The following DHRS4L2 variants were observed in gnomAD, a reference collection of about 807,000 sequenced individuals.
The protein encoded by DHRS4L2 is dehydrogenase/reductase SDR family member 4-like 2.
In DHRS4L2, 22 loss-of-function variants were observed where a neutral mutation model predicts 23.9. The observed-to-expected ratio is 0.92, with a 90% confidence interval of 0.66 to 1.31. The LOEUF is 1.31. Among genes scored for constraint, DHRS4L2 ranks in the 40% most tolerant of loss-of-function variants. The probability of loss-of-function intolerance (pLI) is 0.00; values close to 1 mark genes in which losing one functional copy is unlikely to be tolerated. For missense variants in DHRS4L2, 385 were observed against 303.3 expected (o/e 1.27, Z -2.00); for synonymous variants, 141 against 123.7 (o/e 1.14, Z -0.93).
intron 2 of DHRS4L2, among the ~76,000 whole-genome samples, chr14:23,991,135 T>C (rs1193485865): frequency 1.3e-5 from 2 of 151,682 alleles, no homozygotes; most frequent in Non-Finnish European, 2.9e-5. Context: ...AAATGGAAAG[T>C]ACAGGATTCT....
chr14:23,996,140 G>A (rs1480222833), intron 3 of DHRS4L2, among the ~76,000 whole-genome samples: 2 of 151,646 alleles, frequency 1.3e-5, no homozygotes, highest in African/African-American at 4.8e-5. Context: ...AATAGAGTGA[G>A]AACTCACTCA....
intron 1 of DHRS4L2, among the ~76,000 whole-genome samples, chr14:23,980,756 C>T (rs1213619760): frequency 6.6e-6 from 1 of 151,234 alleles, no homozygotes; most frequent in Non-Finnish European, 1.5e-5. Context: ...ATTCAACAGC[C>T]TTTCATGCTA....
chr14:23,988,218 CT>C (rs1346432103), upstream of DHRS4L2, among the ~76,000 whole-genome samples: 1 of 150,136 alleles, frequency 6.7e-6, no homozygotes, highest in African/African-American at 2.4e-5. Flanking sequence ...GCCCCGAGTT[CT>C]TTGCATTTCC....
chr14:23,995,287 TG>T (rs1466540236), intron 3 of DHRS4L2, among the ~76,000 whole-genome samples, 154 bp downstream of exon 3: 5 of 151,712 alleles, frequency 3.3e-5, no homozygotes, highest in African/African-American at 1.2e-4. Context: ...AAAGGGCAGG[TG>T]GGGGTGGCTC....
At chr14:23,970,358 C>G (rs538134020) in intron 1 of DHRS4L2, 12,307 of 345,304 alleles carry the variant, frequency 0.036, 391 homozygotes, top group African/African-American at 0.083. Flanking sequence ...CGGTGGGGGG[C>G]GGGGGGCCGA....
At chr14:23,989,542 C>T (rs924502678) in intron 1 of DHRS4L2, among the ~76,000 whole-genome samples, 1 of 151,498 alleles carries the variant, frequency 6.6e-6, no homozygotes, top group Non-Finnish European at 1.5e-5. Context: ...TTTTTTAGGT[C>T]GGTACATCTG....
Position 24,001,537 on chromosome 14 carries a change from C to T in DHRS4L2, c.665+20C>T. 4 of 1,600,432 alleles carry T rather than the reference C, an allele frequency of 2.5e-6. No individual in the cohort carries two copies. Among genetic ancestry groups the T allele is most frequent in the Non-Finnish European group, 3.4e-6 (4 of 1,177,382 alleles). On this transcript the variant is annotated intron_variant, in intron 6 of 7. Coordinates refer to ENST00000335125, the MANE Select transcript of DHRS4L2 (RefSeq NM_198083.4). ...AGGATGGTGAGGAAGGGGAGCTTTG[C>T]ATTTGACTGGGACCCCTTGAAAGGC...
At position 23,992,273 on chromosome 14, in the gene DHRS4L2, G is replaced by T. The variant is rs60569378; in HGVS notation, c.306+1914G>T. Among the ~76,000 whole-genome samples the T allele has an allele frequency of 1.7e-3, 253 of 151,518 alleles. 2 individuals carry two copies. Among genetic ancestry groups the T allele is most frequent in the African/African-American group, 5.9e-3 (244 of 41,384 alleles). ...GGTTTAGAGCAGTGGCGGCGGGACT[G>T]GAATAGATGTGCCCAAGAGACATTT... On this transcript the variant is annotated intron_variant, in intron 2 of 7. Transcript: ENST00000335125.
intron 1 of DHRS4L2, among the ~76,000 whole-genome samples, chr14:23,977,211 GTTTTC>G (rs1240760052): frequency 3.3e-5 from 5 of 151,810 alleles, no homozygotes; most frequent in African/African-American, 9.7e-5. Context: ...TCCATTCACT[GTTTTC>G]TTTTCTGGGT....
At chr14:23,996,760 C>T (rs1374110648) in intron 3 of DHRS4L2, among the ~76,000 whole-genome samples, 18 of 151,066 alleles carry the variant, frequency 1.2e-4, no homozygotes, top group African/African-American at 4.4e-4. Flanking sequence ...TGTGCCTCAG[C>T]CTCCCAAGTA....
exon 1 of DHRS4L2, chr14:23,970,019 G>A (rs2033813630): frequency 4.4e-6 from 2 of 455,930 alleles, no homozygotes; most frequent in Non-Finnish European, 8.8e-6. Flanking sequence ...CTGAAGCGGA[G>A]TCTAGCATGT....
chr14:23,989,865 C>T (rs1205473109), intron 1 of DHRS4L2, among the ~76,000 whole-genome samples: 1 of 151,748 alleles, frequency 6.6e-6, no homozygotes, highest in African/African-American at 2.4e-5. Context: ...ACGGAAGTGG[C>T]TGCTGCTGCA....
chr14:23,983,398 T>A (rs1401956227), intron 1 of DHRS4L2, among the ~76,000 whole-genome samples: 4 of 151,658 alleles, frequency 2.6e-5, no homozygotes, highest in Non-Finnish European at 5.9e-5. Context: ...CTGGAGAGGA[T>A]GTGGAGAAAT....
At chr14:23,999,405 T>C (rs2034447209) in intron 3 of DHRS4L2, among the ~76,000 whole-genome samples, 1 of 147,836 alleles carries the variant, frequency 6.8e-6, no homozygotes, top group African/African-American at 2.5e-5. Context: ...AAAATATGTG[T>C]CTATAACTTT....
chr14:24,005,817 C>G, intron 7 of DHRS4L2, 69 bp from the exon 8 acceptor site: 3 of 1,584,968 alleles, frequency 1.9e-6, no homozygotes, highest in Non-Finnish European at 2.6e-6. Context: ...ATTTAACTCC[C>G]CGTGTCCCAG....
chr14:23,972,484 G>C (rs1409128430), intron 1 of DHRS4L2, among the ~76,000 whole-genome samples: 1 of 152,000 alleles, frequency 6.6e-6, no homozygotes, highest in Non-Finnish European at 1.5e-5. Context: ...TGGACCCAAA[G>C]AGTGAGCAGC....
chr14:23,988,962 G>A lies in DHRS4L2; in HGVS notation c.15G>A (p.Arg5=). ...TGGTCTGATCCATGCAGATGGCCAGGCTGCTAGGCCTCTGTGCCTGGGCAC... is the reference window on the plus strand; with the variant it reads ...TGGTCTGATCCATGCAGATGGCCAGACTGCTAGGCCTCTGTGCCTGGGCAC... The part of the protein sequence containing the change: MQMA[R]LLGLCAWARK... The change falls in exon 1 of 8, where the codon AGG becomes AGA. Residue 5 remains arginine (R), a synonymous_variant. Transcript: ENST00000335125. 1.2e-6 allele frequency: 2 copies of A among 1,612,218 alleles called. No homozygotes were observed. The highest frequency in any genetic ancestry group is 1.7e-6 in the Non-Finnish European group (2 of 1,179,162).
chr14:23,972,583 T>G (rs891352486), intron 1 of DHRS4L2, among the ~76,000 whole-genome samples: 1 of 151,860 alleles, frequency 6.6e-6, no homozygotes, highest in Non-Finnish European at 1.5e-5. Flanking sequence ...AAGGGGTGGC[T>G]TGCCCCTCCA....
rs189508689 is a variant in DHRS4L2 at position 23,982,028 on chromosome 14, G to A, written c.-175-8154G>A. Among the ~76,000 whole-genome samples the A allele has an allele frequency of 5.2e-3, 778 of 150,908 alleles. 23 individuals are homozygous for A. Among genetic ancestry groups the A allele is most frequent in the African/African-American group, 0.018 (730 of 41,232 alleles). ...TGGCCTTCCTCTATCTCAACTGCAA[G>A]AGGCCTTCCTCTTTTATTAATCCTC... On this transcript the variant is annotated intron_variant, in intron 1 of 5. Transcript: ENST00000534993.
Sources: allele counts gnomAD v4.1 joint callset (sites outside exome capture counted in the v4.1 genomes callset), GRCh38; gene constraint gnomAD v4.1.1; transcripts MANE v1.5; gene names NCBI Gene and HGNC (gene_info 2026-07-23, HGNC 2026-07-21).